The following LRIT3 variants were observed in gnomAD, a reference collection of about 807,000 sequenced individuals.
LRIT3 encodes leucine-rich repeat, immunoglobulin-like domain and transmembrane domain-containing protein 3.
LRIT3 carries 14 observed loss-of-function variants against 22.6 expected under a neutral mutation model. The ratio of observed to expected loss-of-function variants is 0.62; its 90% CI spans 0.41 to 0.97. The LOEUF (loss-of-function observed/expected upper bound fraction) is 0.97, where lower values mean the gene tolerates loss of function less well. Ranked by LOEUF, LRIT3 falls within the 50% of genes least tolerant of loss-of-function variation. The pLI is 0.00. For synonymous variants in LRIT3, 306 were observed against 304.5 expected (o/e 1.01, Z -0.05); for missense variants, 783 against 803.0 (o/e 0.98, Z 0.30).
chr4:109,852,867 C>T (rs1314445103), intron 2 of LRIT3, among the ~76,000 whole-genome samples: 2 of 152,092 alleles, frequency 1.3e-5, no homozygotes, highest in Admixed American at 6.5e-5. Flanking sequence ...TGTTAGTTTG[C>T]TGAGAATGAT....
intron 1 of LRIT3, among the ~76,000 whole-genome samples, chr4:109,848,554 T>C (rs1734132930): frequency 6.6e-6 from 1 of 152,196 alleles, no homozygotes; most frequent in African/African-American, 2.4e-5. Context: ...TCTAAACACA[T>C]TCTATGTTCC....
At chr4:109,854,476 T>G (rs1734353312) in intron 2 of LRIT3, among the ~76,000 whole-genome samples, 1 of 151,162 alleles carries the variant, frequency 6.6e-6, no homozygotes, top group Admixed American at 6.6e-5. Flanking sequence ...CAGCTTTGGC[T>G]AAGATGATGG....
intron 2 of LRIT3, chr4:109,865,028 G>T (rs369323943): frequency 3.5e-5 from 49 of 1,387,248 alleles, no homozygotes; most frequent in East Asian, 3.2e-4. Context: ...ATATTCTTCT[G>T]CTTTTTACTG....
chr4:109,851,877 A>G lies in LRIT3; in HGVS notation c.490A>G (p.Arg164Gly). ...TGCCTACTTGGATTTATCAAGCAAC[A>G]GACTCACCACATTGCCACCAGATTT... is the stretch of plus-strand genomic sequence containing the variant. ...NLAYLDLSSN[R>G]LTTLPPDFLE... The change falls in exon 2 of 4, where the codon AGA becomes GGA. Residue 164 changes from arginine (R) to glycine (G), a missense_variant. By Grantham distance (125) the Arg-to-Gly change is moderately radical. This residue lies in a region of LRIT3 where 756 missense variants were observed against 753.8 expected (regional missense o/e 1.00). Coordinates refer to ENST00000594814, the MANE Select transcript of LRIT3 (RefSeq NM_198506.5). 2 of 1,551,680 alleles carry G rather than the reference A, an allele frequency of 1.3e-6. No homozygotes were observed. Among genetic ancestry groups the G allele is most frequent in the Middle Eastern group, 3.3e-4 (2 of 5,992 alleles).
At chr4:109,865,020 ATTC>A in intron 2 of LRIT3, 1 of 1,370,638 alleles carries the variant, frequency 7.3e-7, no homozygotes, top group Admixed American at 3.4e-5. Flanking sequence ...ATTCTATCAT[ATTC>A]TTCTGCTTTT....
intron 2 of LRIT3, among the ~76,000 whole-genome samples, chr4:109,857,459 T>C (rs916047523): frequency 6.6e-6 from 1 of 152,174 alleles, no homozygotes; most frequent in Admixed American, 6.5e-5. Context: ...GGTGACAAGG[T>C]GGATTTACTT....
intron 2 of LRIT3, among the ~76,000 whole-genome samples, chr4:109,858,490 C>A (rs920433555): frequency 6.6e-6 from 1 of 152,096 alleles, no homozygotes; most frequent in Non-Finnish European, 1.5e-5. Flanking sequence ...AGGTGTCTAG[C>A]AGTAATCTAA....
At chr4:109,868,507 G>T (rs1191187397) in intron 3 of LRIT3, among the ~76,000 whole-genome samples, 1 of 145,426 alleles carries the variant, frequency 6.9e-6, no homozygotes, top group Non-Finnish European at 1.5e-5. Flanking sequence ...GGGGGTGGAG[G>T]TTGCAGTGAG....
chr4:109,862,006 T>C (rs1204605728), intron 2 of LRIT3, among the ~76,000 whole-genome samples: 1 of 152,232 alleles, frequency 6.6e-6, no homozygotes, highest in African/African-American at 2.4e-5. Flanking sequence ...TTGAGGTTCA[T>C]ATGCTTGCAA....
chr4:109,870,802 C>A lies in LRIT3; in HGVS notation c.*13C>A. On this transcript the variant is annotated 3_prime_UTR_variant, in exon 4 of 4. Coordinates refer to ENST00000594814, the MANE Select transcript of LRIT3 (RefSeq NM_198506.5). ...GTATTATTGCTAAGGTTCTGCAGCTCAGGTGCATGTGAGCTACAAAACTAG... is the reference window on the plus strand; with the variant it reads ...GTATTATTGCTAAGGTTCTGCAGCTAAGGTGCATGTGAGCTACAAAACTAG... 1 of 1,567,458 alleles carries A rather than the reference C, an allele frequency of 6.4e-7. No homozygotes were observed. The highest frequency in any genetic ancestry group is 1.2e-5 in the South Asian group (1 of 82,908).
At chr4:109,865,865 C>A (rs1734665663) in intron 2 of LRIT3, among the ~76,000 whole-genome samples, 1 of 152,052 alleles carries the variant, frequency 6.6e-6, no homozygotes, top group Admixed American at 6.6e-5. Flanking sequence ...GGTTCCAGAG[C>A]CACACTTAAT....
At chr4:109,855,175 G>T (rs1011574234) in intron 2 of LRIT3, among the ~76,000 whole-genome samples, 2 of 152,080 alleles carry the variant, frequency 1.3e-5, no homozygotes, top group Admixed American at 1.3e-4. Flanking sequence ...GTCCTGGGCT[G>T]TTTTTGGTTG....
intron 1 of LRIT3, among the ~76,000 whole-genome samples, chr4:109,849,168 A>G (rs1734148908): frequency 6.6e-6 from 1 of 152,230 alleles, no homozygotes. Flanking sequence ...ATAATAATAA[A>G]TAAGACATAT....
chr4:109,868,102 T>C (rs1734730192), intron 3 of LRIT3, among the ~76,000 whole-genome samples, 156 bp downstream of exon 3: 2 of 152,216 alleles, frequency 1.3e-5, no homozygotes. Flanking sequence ...TATTCATTAG[T>C]ATTCTCCTCA....
At chr4:109,862,531 A>G (rs1435305847) in intron 2 of LRIT3, among the ~76,000 whole-genome samples, 1 of 152,222 alleles carries the variant, frequency 6.6e-6, no homozygotes, top group East Asian at 1.9e-4. Context: ...AAATATTTAC[A>G]TAACTTTTAT....
intron 1 of LRIT3, among the ~76,000 whole-genome samples, chr4:109,850,408 TTCCTTCCTTC>T (rs1560588869): frequency 8.0e-4 from 6 of 7,532 alleles, no homozygotes; most frequent in African/African-American, 3.5e-3. Flanking sequence ...CCTTCCTTCC[TTCCTTCCTTC>T]CTTCCTTTCT....
In LRIT3 at chr4:109,867,810, A is replaced by G. The variant is rs761223008; in HGVS notation, c.759A>G (p.Lys253=). The change falls in exon 3 of 4, where the codon AAA becomes AAG. Residue 253 remains lysine (K), a synonymous_variant. Coordinates refer to ENST00000594814, the MANE Select transcript of LRIT3 (RefSeq NM_198506.5). ...FQRAELEHCL[K]PSVMTSATKI... The stretch of plus-strand genomic sequence containing the variant: ...GGGCTGAATTGGAGCATTGTCTGAA[A>G]CCATCAGTGATGACCTCAGCCACCA... 2.2e-5 allele frequency: 35 copies of G among 1,614,012 alleles called. No homozygotes were observed. The highest frequency in any genetic ancestry group is 2.8e-5 in the Non-Finnish European group (33 of 1,180,020).
intron 2 of LRIT3, among the ~76,000 whole-genome samples, chr4:109,861,666 G>T (rs1231409524): frequency 6.6e-6 from 1 of 151,968 alleles, no homozygotes; most frequent in African/African-American, 2.4e-5. Context: ...AGGGCTATTT[G>T]TCTTTTCTTT....
intron 2 of LRIT3, among the ~76,000 whole-genome samples, chr4:109,857,269 T>C (rs1199919003): frequency 8.0e-6 from 1 of 125,782 alleles, no homozygotes; most frequent in African/African-American, 3.1e-5. Flanking sequence ...TTTTTGTGAA[T>C]GTGGGGTGGG....
Sources: gnomAD v4.1 joint callset for allele counts (sites outside exome capture counted in the v4.1 genomes callset) on GRCh38, gnomAD v4.1.1 for gene constraint, gnomAD v4.1.1 regional missense constraint, MANE v1.5 for transcripts, NCBI Gene and HGNC (gene_info 2026-07-23, HGNC 2026-07-21) for gene names.